The following SORD variants were observed in gnomAD, a reference collection of about 807,000 sequenced individuals.
SORD encodes the protein sorbitol dehydrogenase, also known as (R,R)-butanediol dehydrogenase.
SORD carries 18 observed loss-of-function variants against 35.6 expected under a neutral mutation model. The observed-to-expected ratio is 0.51, with a 90% CI of 0.35 to 0.75. The LOEUF is 0.75. Among genes scored for constraint, SORD ranks in the 30% least tolerant of loss-of-function variants. SORD has a pLI of 0.01. For synonymous variants in SORD, 106 were observed against 152.9 expected, an observed-to-expected ratio of 0.69 and a Z score of 2.26; for missense variants, 250 against 390.2, an observed-to-expected ratio of 0.64 and a Z score of 3.03.
chr15:45,062,523 G>T (rs1566963781), intron 4 of SORD, among the ~76,000 whole-genome samples: 1 of 151,852 alleles, frequency 6.6e-6, no homozygotes, highest in Non-Finnish European at 1.5e-5. Flanking sequence ...CCAGGTGCCA[G>T]TCACAGGAGC....
chr15:45,023,258 C>A lies in SORD; in HGVS notation c.-26C>A. On this transcript the variant is annotated 5_prime_UTR_variant, in exon 1 of 9. Coordinates refer to ENST00000267814, the MANE Select transcript of SORD (RefSeq NM_003104.6). ...GACCAAACGTCCCGCGCCTTCCAGG[C>A]CGCACTCCAGAGCCAAAAGAGCTCC... 2.6e-6 allele frequency: 4 copies of A among 1,543,266 alleles called. No homozygotes were observed. The highest frequency in any genetic ancestry group is 3.5e-6 in the Non-Finnish European group (4 of 1,146,080).
chr15:45,059,186 C>T (rs1257721333), intron 3 of SORD, among the ~76,000 whole-genome samples: 1 of 152,062 alleles, frequency 6.6e-6, no homozygotes, highest in Non-Finnish European at 1.5e-5. Context: ...CCTGCCCTAA[C>T]TGTCTGCCTG....
chr15:45,051,137 G>A (rs575595873), intron 3 of SORD, among the ~76,000 whole-genome samples: 1 of 152,200 alleles, frequency 6.6e-6, no homozygotes, highest in South Asian at 2.1e-4. Flanking sequence ...AATTGTCTGT[G>A]AATGACAAAA....
intron 1 of SORD, among the ~76,000 whole-genome samples, chr15:45,027,774 A>C (rs1892699531): frequency 6.6e-6 from 1 of 152,256 alleles, no homozygotes; most frequent in Admixed American, 6.5e-5. Context: ...AAATAGTCAA[A>C]TTAGTTTTTA....
chr15:45,070,715 A>T (rs1372683824), intron 7 of SORD: 2 of 152,270 alleles, frequency 1.3e-5, no homozygotes, highest in African/African-American at 4.8e-5. Flanking sequence ...GGGCTAAGAC[A>T]TGAGTAGGTT....
Position 45,068,948 on chromosome 15 carries a change from A to C in SORD, c.682A>C (p.Ser228Arg). ...ADLVLQISKESPQEIARKVEG... is the reference protein window; with the variant it reads ...ADLVLQISKERPQEIARKVEG... ...TTTAGTCCTCCAGATCTCCAAGGAG[A>C]GCCCTCAGGAAATCGCCAGGAAAGT... Residue 228 changes from serine to arginine, a missense_variant, in exon 7 of 9, where the codon AGC (serine) becomes CGC (arginine). Transcript: ENST00000267814. 2 of 1,595,306 alleles carry C rather than the reference A, an allele frequency of 1.3e-6. No homozygotes were observed. The highest frequency in any genetic ancestry group is 1.7e-6 in the Non-Finnish European group (2 of 1,173,164).
chr15:45,026,876 AG>A (rs879884598), intron 1 of SORD, among the ~76,000 whole-genome samples: 26,574 of 141,786 alleles, frequency 0.19, no homozygotes, highest in African/African-American at 0.44. Flanking sequence ...ATGCGACCTT[AG>A]TCCACTTTAC....
At chr15:45,058,356 G>A (rs887329806) in intron 3 of SORD, among the ~76,000 whole-genome samples, 4 of 152,186 alleles carry the variant, frequency 2.6e-5, no homozygotes, top group Admixed American at 1.3e-4. Context: ...CAGCACCCAA[G>A]GGCGATGGGG....
intron 1 of SORD, among the ~76,000 whole-genome samples, chr15:45,032,764 T>A (rs562886056): frequency 6.6e-6 from 1 of 152,162 alleles, no homozygotes; most frequent in African/African-American, 2.4e-5. Context: ...GACCTCAAGT[T>A]TGCCAGGACC....
At chr15:45,024,941 G>A (rs1306657519) in intron 1 of SORD, among the ~76,000 whole-genome samples, 2 of 152,262 alleles carry the variant, frequency 1.3e-5, no homozygotes, top group African/African-American at 4.8e-5. Context: ...TAAAAGTCAT[G>A]CACCTAAGGT....
chr15:45,065,797 G>A (rs960543606), intron 5 of SORD, among the ~76,000 whole-genome samples: 1 of 152,086 alleles, frequency 6.6e-6, no homozygotes, highest in African/African-American at 2.4e-5. Context: ...GTGTGTGTCT[G>A]TAGTTCCAGC....
intron 1 of SORD, among the ~76,000 whole-genome samples, chr15:45,030,098 C>T (rs1892751483): frequency 6.6e-6 from 1 of 152,236 alleles, no homozygotes; most frequent in Admixed American, 6.5e-5. Flanking sequence ...GTTCTTGATC[C>T]AGTCCCAGGA....
At chr15:45,024,912 T>C (rs1279334885) in intron 1 of SORD, among the ~76,000 whole-genome samples, 1 of 152,262 alleles carries the variant, frequency 6.6e-6, no homozygotes, top group Non-Finnish European at 1.5e-5. Flanking sequence ...CTTGGCCCTC[T>C]ATCTGCTCAG....
intron 5 of SORD, among the ~76,000 whole-genome samples, chr15:45,067,077 T>G (rs1157688339): frequency 6.6e-6 from 1 of 152,178 alleles, no homozygotes; most frequent in Non-Finnish European, 1.5e-5. Flanking sequence ...TTTTTAAAAA[T>G]CAGGCTGGGC....
chr15:45,051,559 CAA>C (rs1350486576), intron 3 of SORD, among the ~76,000 whole-genome samples: 1 of 152,170 alleles, frequency 6.6e-6, no homozygotes, highest in Non-Finnish European at 1.5e-5. Flanking sequence ...TTATTTTAGC[CAA>C]AGTCATGACC....
At chr15:45,048,292 C>T (rs1340847225) in intron 3 of SORD, among the ~76,000 whole-genome samples, 2 of 152,120 alleles carry the variant, frequency 1.3e-5, no homozygotes, top group African/African-American at 2.4e-5. Flanking sequence ...TCCACAAATT[C>T]TATGTTTAGC....
intron 3 of SORD, among the ~76,000 whole-genome samples, chr15:45,058,024 C>G (rs1178978695): frequency 6.6e-6 from 1 of 152,200 alleles, no homozygotes; most frequent in Non-Finnish European, 1.5e-5. Flanking sequence ...TTCCTGGTTA[C>G]TAAGGCACTG....
chr15:45,050,883 A>T (rs920965001), intron 3 of SORD, among the ~76,000 whole-genome samples: 4 of 152,256 alleles, frequency 2.6e-5, no homozygotes, highest in Non-Finnish European at 5.9e-5. Context: ...AACAAGGATT[A>T]GCAATGTTTT....
intron 3 of SORD, among the ~76,000 whole-genome samples, chr15:45,055,620 A>G (rs35491104): frequency 0.075 from 11,421 of 152,268 alleles, 479 homozygotes; most frequent in South Asian, 0.1. Flanking sequence ...AAAAGAGGGA[A>G]TCCTCCCTAA....
Sources: allele counts gnomAD v4.1 joint callset (sites outside exome capture counted in the v4.1 genomes callset), GRCh38; gene constraint gnomAD v4.1.1; transcripts MANE v1.5; gene names NCBI Gene and HGNC (gene_info 2026-07-23, HGNC 2026-07-21).